The following PELI1 variants were observed in gnomAD, a reference collection of about 807,000 sequenced individuals.
PELI1 encodes the protein pellino E3 ubiquitin protein ligase 1.
Under a neutral mutation model 41.3 loss-of-function variants are expected in PELI1, and 15 were observed. The observed-to-expected ratio is 0.36, with a 90% CI of 0.24 to 0.56. The LOEUF (loss-of-function observed/expected upper bound fraction) is 0.56. Among genes scored for constraint, PELI1 ranks in the 20% least tolerant of loss-of-function variants. The probability of loss-of-function intolerance (pLI) is 0.82; values close to 1 mark genes in which losing one functional copy is unlikely to be tolerated. For synonymous variants in PELI1, 178 were observed against 180.1 expected (o/e 0.99, Z 0.09); for missense variants, 403 against 525.5 (o/e 0.77, Z 2.28).
chr2:64,125,769 C>A (rs1681362958), intron 1 of PELI1, among the ~76,000 whole-genome samples: 1 of 152,210 alleles, frequency 6.6e-6, no homozygotes, highest in South Asian at 2.1e-4. Context: ...GGTTGAACAA[C>A]CCGAATCTGA....
intron 1 of PELI1, among the ~76,000 whole-genome samples, chr2:64,111,079 C>A (rs558473605): frequency 6.6e-6 from 1 of 152,068 alleles, no homozygotes; most frequent in African/African-American, 2.4e-5. Flanking sequence ...GCATTTATTT[C>A]TCTCCCTAGT....
intron 1 of PELI1, among the ~76,000 whole-genome samples, chr2:64,112,310 G>A (rs1460914152): frequency 6.6e-6 from 1 of 152,176 alleles, no homozygotes; most frequent in Non-Finnish European, 1.5e-5. Flanking sequence ...AGGGACTAAA[G>A]TGGAATAAAG....
intron 1 of PELI1, among the ~76,000 whole-genome samples, chr2:64,115,045 G>C: frequency 6.6e-6 from 1 of 152,156 alleles, no homozygotes; most frequent in Admixed American, 6.5e-5. Context: ...GTTGAAGGCG[G>C]GTGTAGTTTC....
rs1355797462 is a variant in PELI1 at position 64,104,801 on chromosome 2, C to G, written c.101G>C (p.Arg34Thr). ...GYNGSLPNGDRGRRKSRFALF... is the reference protein window; with the variant it reads ...GYNGSLPNGDTGRRKSRFALF... ...AGCAAACCTACTTTTCCTCCTTCCT[C>G]TATCGCCATTTGGGAGAGACCCATT... Residue 34 changes from arginine (R) to threonine (T), a missense_variant, in exon 3 of 7, where the codon AGA (arginine) becomes ACA (threonine). Physicochemically the swap from Arg to Thr is moderately conservative, Grantham distance 71. Transcript: ENST00000358912. The G allele has an allele frequency of 1.2e-6, 2 of 1,613,264 alleles. No homozygotes were observed. Among genetic ancestry groups the G allele is most frequent in the East Asian group, 2.2e-5 (1 of 44,824 alleles).
At chr2:64,124,810 T>C (rs1681333634) in intron 1 of PELI1, among the ~76,000 whole-genome samples, 1 of 152,190 alleles carries the variant, frequency 6.6e-6, no homozygotes, top group Non-Finnish European at 1.5e-5. Context: ...TCTGACACTA[T>C]TATCTACCTT....
At chr2:64,127,903 T>C (rs1681440190) in intron 1 of PELI1, among the ~76,000 whole-genome samples, 1 of 152,204 alleles carries the variant, frequency 6.6e-6, no homozygotes, top group African/African-American at 2.4e-5. Flanking sequence ...GTTTATCTAT[T>C]CTTTTTCCAA....
chr2:64,111,317 GAA>G (rs970766825), intron 1 of PELI1, among the ~76,000 whole-genome samples: 1 of 152,048 alleles, frequency 6.6e-6, no homozygotes, highest in Admixed American at 6.6e-5. Context: ...CACGTCAAAG[GAA>G]AAGTCAATGA....
At chr2:64,132,134 T>G (rs1298785770) in intron 1 of PELI1, among the ~76,000 whole-genome samples, 1 of 152,144 alleles carries the variant, frequency 6.6e-6, no homozygotes, top group East Asian at 1.9e-4. Flanking sequence ...AGGATGCCAG[T>G]AGAAATAATA....
At chr2:64,114,049 A>T (rs1335859645) in intron 1 of PELI1, among the ~76,000 whole-genome samples, 1 of 152,176 alleles carries the variant, frequency 6.6e-6, no homozygotes, top group Non-Finnish European at 1.5e-5. Flanking sequence ...TCTTCTGAGC[A>T]CTTCTATTTT....
chr2:64,137,314 T>C (rs1681748790), intron 1 of PELI1, among the ~76,000 whole-genome samples: 1 of 152,230 alleles, frequency 6.6e-6, no homozygotes, highest in Admixed American at 6.5e-5. Context: ...AACACTAACA[T>C]GTGTTAGTCT....
rs146715878 is a variant in PELI1, at chr2:64,116,769, C to T, written c.-69-8390G>A. Among the ~76,000 whole-genome samples, 667 of 152,266 alleles carry T rather than the reference C, an allele frequency of 4.4e-3. 6 individuals carry two copies. Among genetic ancestry groups the T allele is most frequent in the African/African-American group, 0.014 (602 of 41,554 alleles). ...CACTTTGCTTTATTTTACTGTGCTT[C>T]GCAGATACTGTGTTTTTTACAAATT... On this transcript the variant is annotated intron_variant, in intron 1 of 6. Coordinates refer to ENST00000358912, the MANE Select transcript of PELI1 (RefSeq NM_020651.4).
chr2:64,111,629 G>A (rs1223132110), intron 1 of PELI1, among the ~76,000 whole-genome samples: 4 of 152,108 alleles, frequency 2.6e-5, no homozygotes, highest in Non-Finnish European at 5.9e-5. Context: ...GAGTTGTGAG[G>A]CAATCAGATT....
intron 2 of PELI1, 122 bp downstream of exon 2, chr2:64,108,118 C>T (rs1185828901): frequency 1.6e-6 from 1 of 622,918 alleles, no homozygotes; most frequent in South Asian, 2.1e-5. Flanking sequence ...TTACCTGTAG[C>T]TTTAAATTCT....
intron 2 of PELI1, among the ~76,000 whole-genome samples, chr2:64,105,107 T>C (rs1193454085): frequency 1.3e-5 from 2 of 152,220 alleles, no homozygotes; most frequent in Non-Finnish European, 2.9e-5. Context: ...CCCTCTTTTA[T>C]GGAAGATAAT....
At chr2:64,111,017 A>C (rs1680792403) in intron 1 of PELI1, among the ~76,000 whole-genome samples, 1 of 152,020 alleles carries the variant, frequency 6.6e-6, no homozygotes, top group Non-Finnish European at 1.5e-5. Context: ...ATAATCCCCA[A>C]AATATTATCA....
chr2:64,132,934 A>T (rs1419273034), intron 1 of PELI1, among the ~76,000 whole-genome samples: 1 of 152,206 alleles, frequency 6.6e-6, no homozygotes, highest in Non-Finnish European at 1.5e-5. Flanking sequence ...TGTATAATAC[A>T]TTAATGAAAA....
At chr2:64,122,128 T>G (rs1404468849) in intron 1 of PELI1, among the ~76,000 whole-genome samples, 1 of 151,844 alleles carries the variant, frequency 6.6e-6, no homozygotes, top group Non-Finnish European at 1.5e-5. Context: ...AAACAAAACA[T>G]AACCAAAACC....
At chr2:64,125,789 A>G (rs1681363979) in intron 1 of PELI1, among the ~76,000 whole-genome samples, 1 of 152,212 alleles carries the variant, frequency 6.6e-6, no homozygotes, top group African/African-American at 2.4e-5. Flanking sequence ...AATCCGCAAA[A>G]TGCTCCAAAA....
chr2:64,143,875 C>T (rs978181677), intron 1 of PELI1, among the ~76,000 whole-genome samples: 4 of 151,730 alleles, frequency 2.6e-5, no homozygotes, highest in Non-Finnish European at 5.9e-5. Context: ...GGGCCGGTTC[C>T]TGACAAAGGC....
Sources: gnomAD v4.1 joint callset for allele counts (sites outside exome capture counted in the v4.1 genomes callset) on GRCh38, gnomAD v4.1.1 for gene constraint, MANE v1.5 for transcripts, NCBI Gene and HGNC (gene_info 2026-07-23, HGNC 2026-07-21) for gene names.